The following IKZF1 variants were observed in gnomAD, a reference collection of about 807,000 sequenced individuals.
IKZF1 encodes IKAROS family zinc finger 1, also known as DNA-binding protein Ikaros.
A neutral mutation model predicts 51.7 loss-of-function variants in IKZF1; 10 were observed. That is an observed-to-expected ratio of 0.19 (90% confidence interval 0.12 to 0.33). IKZF1 has a LOEUF of 0.33. Ranked by LOEUF, IKZF1 falls within the 10% of genes least tolerant of loss-of-function variation. IKZF1 has a pLI of 1.00. For synonymous variants in IKZF1, 280 were observed against 282.3 expected (o/e 0.99, Z 0.08); for missense variants, 484 against 707.5 (o/e 0.68, Z 3.58).
chr7:50,341,341 C>T (rs1799025829), intron 3 of IKZF1, among the ~76,000 whole-genome samples: 1 of 152,022 alleles, frequency 6.6e-6, no homozygotes, highest in Admixed American at 6.5e-5. Context: ...TGGGGTTTCA[C>T]CACGTTGACC....
At chr7:50,308,319 G>A (rs1789307848) in intron 1 of IKZF1, among the ~76,000 whole-genome samples, 1 of 152,180 alleles carries the variant, frequency 6.6e-6, no homozygotes, top group African/African-American at 2.4e-5. Flanking sequence ...CTGCCAAATT[G>A]TTTCAGTTGA....
chr7:50,376,464 T>G lies in IKZF1; in HGVS notation c.161-69T>G. On this transcript the variant is annotated intron_variant, in intron 3 of 7. Transcript: ENST00000331340. The surrounding 1 kb of genome is among the most constrained non-coding windows in gnomAD (Gnocchi z 4.5). ...CACACCTATTTGATTGTCTTTTTGC[T>G]GCTGTGTTGTTTTGTTGAGTTTTTT... 6.3e-7 allele frequency: 1 copy of G among 1,579,998 alleles called. No individual in the cohort carries two copies. Among genetic ancestry groups the G allele is most frequent in the South Asian group, 1.2e-5 (1 of 85,228 alleles).
At chr7:50,356,940 C>G (rs1803597873) in intron 3 of IKZF1, among the ~76,000 whole-genome samples, 1 of 151,700 alleles carries the variant, frequency 6.6e-6, no homozygotes, top group South Asian at 2.1e-4. Context: ...GTCCGGTCTT[C>G]TGGAAGCTGG....
intron 6 of IKZF1, among the ~76,000 whole-genome samples, chr7:50,388,739 G>A (rs1814144266): frequency 6.6e-6 from 1 of 152,224 alleles, no homozygotes. Context: ...CCCCAGGGCA[G>A]AAGACTAATG....
At chr7:50,312,316 A>G (rs1443351979) in intron 1 of IKZF1, among the ~76,000 whole-genome samples, 1 of 152,152 alleles carries the variant, frequency 6.6e-6, no homozygotes, top group Non-Finnish European at 1.5e-5. Flanking sequence ...TTAGTTTAAG[A>G]GTGGATGGTA....
rs1046919189 is a variant in IKZF1 at position 50,376,174 on chromosome 7, T to G, written c.161-359T>G. Among the ~76,000 whole-genome samples the G allele has an allele frequency of 6.6e-6, 1 of 152,210 alleles. No individual in the cohort carries two copies. The highest frequency in any genetic ancestry group is 2.4e-5 in the African/African-American group (1 of 41,452). ...CAAGGTGCCCATCTGATGGGTAGGG[T>G]GTAGGAGTAGGCCTCAGACCACTCC... On this transcript the variant is annotated intron_variant, in intron 3 of 7. Transcript: ENST00000331340. The surrounding 1 kb of genome is among the most constrained non-coding windows in gnomAD (Gnocchi z 4.5).
chr7:50,335,743 G>A (rs1319494836), intron 3 of IKZF1, among the ~76,000 whole-genome samples: 1 of 151,792 alleles, frequency 6.6e-6, no homozygotes, highest in Non-Finnish European at 1.5e-5. Context: ...TGTGTGGTGT[G>A]TATGTGTGTA....
chr7:50,319,741 T>C (rs1046096856), intron 2 of IKZF1, among the ~76,000 whole-genome samples: 3 of 152,198 alleles, frequency 2.0e-5, no homozygotes, highest in African/African-American at 7.2e-5. Flanking sequence ...TCCAGAGGCG[T>C]CAGCCCCAGT....
intron 3 of IKZF1, among the ~76,000 whole-genome samples, chr7:50,358,799 G>GA (rs987292982): frequency 1.0e-3 from 153 of 149,198 alleles, no homozygotes; most frequent in Middle Eastern, 6.8e-3. Flanking sequence ...AGAAGAAAAA[G>GA]AAAAAAAAAG....
At chr7:50,312,647 A>G (rs746314514) in intron 1 of IKZF1, among the ~76,000 whole-genome samples, 2 of 152,262 alleles carry the variant, frequency 1.3e-5, no homozygotes, top group African/African-American at 2.4e-5. Context: ...CCAAGAAAAC[A>G]TTCAAACAGC....
At position 50,404,181 on chromosome 7, in the gene IKZF1, T is replaced by C. The variant is rs1043701330; in HGVS notation, c.*3554T>C. 14 of 215,110 alleles carry C rather than the reference T, an allele frequency of 6.5e-5. No homozygotes were observed. The highest frequency in any genetic ancestry group is 1.8e-4 in the Admixed American group (3 of 17,086). The allele number at this position is 215,110 out of a possible 1,614,324, so 13.3% of individuals were successfully genotyped here. A position where few individuals can be genotyped will look rare whatever the true frequency, so the allele number is the denominator to read the frequency against. On this transcript the variant is annotated 3_prime_UTR_variant, in exon 8 of 8. Coordinates refer to ENST00000331340, the MANE Select transcript of IKZF1 (RefSeq NM_006060.6). ...TCTAATACAGTTTTTTATAATGTTG[T>C]GTGTGGTGATTGTTCAGGTCGAATC...
Position 50,404,528 on chromosome 7 carries a change from A to G in IKZF1, c.*3901A>G, listed in dbSNP as rs183281353. The G allele has an allele frequency of 2.2e-5, 5 of 229,546 alleles. No homozygotes were observed. The highest frequency in any genetic ancestry group is 1.1e-4 in the Admixed American group (2 of 17,636). The allele number at this position is 229,546 out of a possible 1,614,324, so 14.2% of individuals were successfully genotyped here. A position where few individuals can be genotyped will look rare whatever the true frequency, so the allele number is the denominator to read the frequency against. On this transcript the variant is annotated 3_prime_UTR_variant, in exon 8 of 8. Transcript: ENST00000331340. ...TAGACTTTCTCCCAATGAGATCCCA[A>G]TATGAGAGGGAGAAGAGATGGGCCT...
intron 3 of IKZF1, among the ~76,000 whole-genome samples, chr7:50,357,335 C>T (rs932168007): frequency 1.3e-5 from 2 of 150,880 alleles, no homozygotes; most frequent in African/African-American, 4.9e-5. Flanking sequence ...TCTGAGCCAG[C>T]CACCACCCCA....
chr7:50,340,278 C>G (rs1798769750), intron 3 of IKZF1, among the ~76,000 whole-genome samples: 2 of 152,350 alleles, frequency 1.3e-5, no homozygotes, highest in East Asian at 1.9e-4. Flanking sequence ...GCAGGGATCT[C>G]AGAGAGACAG....
intron 3 of IKZF1, chr7:50,367,663 C>T (rs753035070): frequency 9.6e-6 from 2 of 208,598 alleles, no homozygotes; most frequent in South Asian, 1.1e-4. Flanking sequence ...AGATGCTCTG[C>T]GAGGAGCCGA....
intron 3 of IKZF1, among the ~76,000 whole-genome samples, chr7:50,335,654 G>C (rs1055241103): frequency 6.6e-6 from 1 of 150,712 alleles, no homozygotes; most frequent in Non-Finnish European, 1.5e-5. Context: ...GGGATGTATG[G>C]TGTGTATGTG....
chr7:50,364,639 A>T (rs564472355), intron 3 of IKZF1, among the ~76,000 whole-genome samples: 1 of 152,356 alleles, frequency 6.6e-6, no homozygotes. Context: ...GCAAGTCAGC[A>T]CCTACAAACC....
In IKZF1 at chr7:50,400,255, C is replaced by T. The variant is rs1297885519; in HGVS notation, c.1188C>T (p.Asp396=). ...REASPSNSCQ[D]STDTESNNEE... ...CGTCCCCGAGCAACAGCTGCCAAGA[C>T]TCCACGGACACCGAGAGCAACAACG... The change falls in exon 8 of 8, where the codon GAC becomes GAT. Residue 396 remains aspartate, a synonymous_variant. Transcript: ENST00000331340. This position sits in a 1 kb window ranked among gnomAD's most constrained non-coding sequence, Gnocchi z 5.4. 2 of 1,611,382 alleles carry T rather than the reference C, an allele frequency of 1.2e-6. No individual in the cohort carries two copies. The highest frequency in any genetic ancestry group is 4.5e-5 in the East Asian group (2 of 44,808).
chr7:50,340,543 T>G lies in IKZF1; in HGVS notation c.160+12786T>G, dbSNP rs1054251837. ...GAGTGAAGGACTGTTACCCTAGAAG[T>G]GAAATCCTGCTGAAATGAGAAAAGT... is the stretch of plus-strand genomic sequence containing the variant. On this transcript the variant is annotated intron_variant, in intron 3 of 7. Coordinates refer to ENST00000331340, the MANE Select transcript of IKZF1 (RefSeq NM_006060.6). Among the ~76,000 whole-genome samples the G allele has an allele frequency of 4.9e-3, 743 of 152,338 alleles. 6 individuals carry two copies. The highest frequency in any genetic ancestry group is 0.015 in the African/African-American group (609 of 41,564).
Sources: allele counts gnomAD v4.1 joint callset (sites outside exome capture counted in the v4.1 genomes callset), GRCh38; gene constraint gnomAD v4.1.1; non-coding constraint Gnocchi (gnomAD v3.1); transcripts MANE v1.5; gene names NCBI Gene and HGNC (gene_info 2026-07-23, HGNC 2026-07-21).